Variants in NEGR1 observed in about 807,000 individuals in gnomAD.
The protein encoded by NEGR1 is neuronal growth regulator 1, also known as IgLON family member 4.
In NEGR1, 10 loss-of-function variants were observed where a neutral mutation model predicts 40.9. The observed-to-expected ratio is 0.24, with a 90% confidence interval of 0.15 to 0.42. The LOEUF is 0.42. Among genes scored for constraint, NEGR1 ranks in the 10% least tolerant of loss-of-function variants. The probability of loss-of-function intolerance (pLI) is 1.00; values close to 1 mark genes in which losing one functional copy is unlikely to be tolerated. For synonymous variants in NEGR1, 185 were observed against 166.8 expected (o/e 1.11, Z -0.84); for missense variants, 352 against 438.9 (o/e 0.80, Z 1.77).
intron 1 of NEGR1, among the ~76,000 whole-genome samples, chr1:71,953,050 A>G (rs1646086253): frequency 6.6e-6 from 1 of 151,946 alleles, no homozygotes. Flanking sequence ...AGAATGTACA[A>G]GAAGATTAAT....
chr1:71,429,031 G>C (rs369690863), intron 6 of NEGR1, among the ~76,000 whole-genome samples: 1 of 152,110 alleles, frequency 6.6e-6, no homozygotes, highest in Non-Finnish European at 1.5e-5. Context: ...AAACAAGCCA[G>C]TATGAAGTTA....
intron 4 of NEGR1, among the ~76,000 whole-genome samples, chr1:71,622,563 T>C (rs999864080): frequency 2.0e-5 from 3 of 151,928 alleles, no homozygotes; most frequent in African/African-American, 4.8e-5. Flanking sequence ...AATATGTTTC[T>C]ACTTGTATTA....
At chr1:71,450,625 G>A (rs1281540135) in intron 6 of NEGR1, among the ~76,000 whole-genome samples, 1 of 150,826 alleles carries the variant, frequency 6.6e-6, no homozygotes, top group Non-Finnish European at 1.5e-5. Context: ...TGGCCAACAG[G>A]GTGAAATCCT....
At chr1:72,265,595 T>C (rs913514722) in intron 1 of NEGR1, among the ~76,000 whole-genome samples, 4 of 150,876 alleles carry the variant, frequency 2.7e-5, no homozygotes, top group Non-Finnish European at 4.5e-5. Flanking sequence ...TAATATACCC[T>C]GTAGGCACCA....
At chr1:71,936,275 T>A (rs1385192292) in intron 1 of NEGR1, among the ~76,000 whole-genome samples, 2 of 152,218 alleles carry the variant, frequency 1.3e-5, no homozygotes, top group East Asian at 1.9e-4. Context: ...TTTTTGCAAT[T>A]TATTGATCAA....
intron 4 of NEGR1, among the ~76,000 whole-genome samples, chr1:71,697,219 G>T (rs1653505619): frequency 6.6e-6 from 1 of 151,822 alleles, no homozygotes; most frequent in African/African-American, 2.4e-5. Flanking sequence ...TTTTAAAAAT[G>T]AAAACTATAG....
intron 1 of NEGR1, among the ~76,000 whole-genome samples, chr1:72,281,357 T>C (rs570637849): frequency 6.6e-6 from 1 of 152,192 alleles, no homozygotes; most frequent in South Asian, 2.1e-4. Flanking sequence ...AGAGACAATC[T>C]GAATGTGGAA....
At chr1:71,742,489 G>T (rs1655247209) in intron 3 of NEGR1, among the ~76,000 whole-genome samples, 2 of 152,138 alleles carry the variant, frequency 1.3e-5, no homozygotes, top group African/African-American at 4.8e-5. Context: ...TTGAGCTAAA[G>T]CAGGCTATTC....
intron 2 of NEGR1, among the ~76,000 whole-genome samples, chr1:71,848,949 G>T (rs1310923820): frequency 1.3e-5 from 2 of 152,130 alleles, no homozygotes; most frequent in African/African-American, 4.8e-5. Context: ...AATTAGCCGG[G>T]TGTGGGGGCG....
intron 6 of NEGR1, among the ~76,000 whole-genome samples, chr1:71,425,442 C>G (rs2101285484): frequency 6.6e-6 from 1 of 152,204 alleles, no homozygotes; most frequent in Admixed American, 6.5e-5. Context: ...ACTATAAAAA[C>G]AACAAAAACA....
At chr1:71,737,884 A>G (rs1570277793) in intron 3 of NEGR1, among the ~76,000 whole-genome samples, 1 of 152,118 alleles carries the variant, frequency 6.6e-6, no homozygotes, top group African/African-American at 2.4e-5. Context: ...TCTCTGGCTC[A>G]GGTTTTTAGT....
intron 2 of NEGR1, among the ~76,000 whole-genome samples, chr1:71,852,531 A>G (rs1398627935): frequency 6.6e-6 from 1 of 152,046 alleles, no homozygotes; most frequent in Non-Finnish European, 1.5e-5. Context: ...GTCTTATTCT[A>G]TTCACTTTAC....
chr1:71,853,542 T>C lies in NEGR1; in HGVS notation c.410-77245A>G, dbSNP rs553873083. Among the ~76,000 whole-genome samples, 4 of 152,206 alleles carry C rather than the reference T, an allele frequency of 2.6e-5. No homozygotes were observed. In the South Asian group the frequency reaches 8.3e-4, roughly 32 times the overall value. On this transcript the variant is annotated intron_variant, in intron 2 of 6. Coordinates refer to ENST00000357731, the MANE Select transcript of NEGR1 (RefSeq NM_173808.3). ...TTGTCTTGAAAAATGCCATGAGCTA[T>C]GTAGCACACTAGGGATTTGCTTCAT... is the stretch of plus-strand genomic sequence containing the variant.
At chr1:71,917,727 C>G (rs1661627933) in intron 2 of NEGR1, among the ~76,000 whole-genome samples, 1 of 149,786 alleles carries the variant, frequency 6.7e-6, no homozygotes, top group Non-Finnish European at 1.5e-5. Flanking sequence ...TTGCAGTGAG[C>G]CCAGATTGCG....
At chr1:71,605,316 G>A (rs1650045328) in intron 5 of NEGR1, among the ~76,000 whole-genome samples, 1 of 152,078 alleles carries the variant, frequency 6.6e-6, no homozygotes, top group South Asian at 2.1e-4. Context: ...AAAGCCTGGA[G>A]CAGTTAAAAT....
intron 2 of NEGR1, among the ~76,000 whole-genome samples, chr1:71,807,754 A>G (rs1476432625): frequency 6.6e-6 from 1 of 152,188 alleles, no homozygotes; most frequent in Non-Finnish European, 1.5e-5. Context: ...GTTTATTCTT[A>G]CTTCCTACCT....
intron 3 of NEGR1, among the ~76,000 whole-genome samples, chr1:71,731,584 G>A (rs540055469): frequency 1.3e-5 from 2 of 152,252 alleles, no homozygotes; most frequent in South Asian, 2.1e-4. Context: ...ATAAAGACAA[G>A]ATTTTTCTTT....
At chr1:71,614,677 T>C (rs1351348852) in intron 4 of NEGR1, among the ~76,000 whole-genome samples, 2 of 152,168 alleles carry the variant, frequency 1.3e-5, no homozygotes, top group Non-Finnish European at 2.9e-5. Context: ...ACCTGGTTAG[T>C]TTAATTACTC....
intron 2 of NEGR1, among the ~76,000 whole-genome samples, chr1:71,928,759 G>A (rs7513828): frequency 3.3e-5 from 5 of 151,908 alleles, no homozygotes; most frequent in East Asian, 3.9e-4. Flanking sequence ...TAGTTCCATT[G>A]TTACTACTTC....
Sources: allele counts gnomAD v4.1 joint callset (sites outside exome capture counted in the v4.1 genomes callset), GRCh38; gene constraint gnomAD v4.1.1; transcripts MANE v1.5; gene names NCBI Gene and HGNC (gene_info 2026-07-23, HGNC 2026-07-21).